Variants in FBN1 observed in about 807,000 individuals in gnomAD.
The protein encoded by FBN1 is fibrillin-1.
In FBN1, 29 loss-of-function variants were observed where a neutral mutation model predicts 365.1. The observed-to-expected ratio is 0.08, with a 90% CI of 0.06 to 0.11. FBN1 has a LOEUF of 0.11. Ranked by LOEUF, FBN1 falls within the 10% of genes least tolerant of loss-of-function variation. The pLI, the probability that FBN1 is intolerant of heterozygous loss-of-function variation, is 1.00. For missense variants in FBN1, 2,476 were observed against 3,703.2 expected, an observed-to-expected ratio of 0.67 and a Z score of 8.60; for synonymous variants, 1,210 against 1,270.5, an observed-to-expected ratio of 0.95 and a Z score of 1.01.
At chr15:48,450,903 A>C (rs2141254195) in intron 45 of FBN1, among the ~76,000 whole-genome samples, 1 of 152,368 alleles carries the variant, frequency 6.6e-6, no homozygotes, top group Non-Finnish European at 1.5e-5. Context: ...ATTTAAAGAT[A>C]TTTTAAAAGT....
intron 13 of FBN1, among the ~76,000 whole-genome samples, chr15:48,510,547 A>T (rs1014994139): frequency 6.6e-6 from 1 of 152,232 alleles, no homozygotes; most frequent in South Asian, 2.1e-4. Context: ...GACATATTTT[A>T]TAGCTATCTC....
At chr15:48,559,306 T>C (rs2044205739) in intron 6 of FBN1, among the ~76,000 whole-genome samples, 1 of 152,190 alleles carries the variant, frequency 6.6e-6, no homozygotes, top group South Asian at 2.1e-4. Flanking sequence ...TTGAGACCCC[T>C]TCGAAAGGGA....
At chr15:48,554,882 T>C (rs1483073570) in intron 6 of FBN1, among the ~76,000 whole-genome samples, 1 of 152,224 alleles carries the variant, frequency 6.6e-6, no homozygotes, top group Non-Finnish European at 1.5e-5. Flanking sequence ...TTGTAAACAC[T>C]ATACAAGAGA....
At chr15:48,578,088 T>G (rs2044363382) in intron 6 of FBN1, among the ~76,000 whole-genome samples, 1 of 152,130 alleles carries the variant, frequency 6.6e-6, no homozygotes, top group Non-Finnish European at 1.5e-5. Context: ...GGACAGAGAA[T>G]GGGAGTAGGG....
intron 4 of FBN1, 47 bp from the exon 5 acceptor site, chr15:48,600,281 G>A: frequency 2.3e-6 from 3 of 1,308,168 alleles, no homozygotes; most frequent in South Asian, 2.4e-5. Flanking sequence ...TAAATGCATA[G>A]ATTGCAACAG....
chr15:48,620,156 TG>T (rs146559497), intron 2 of FBN1, among the ~76,000 whole-genome samples: 380 of 152,258 alleles, frequency 2.5e-3, no homozygotes, highest in Non-Finnish European at 4.7e-3. Context: ...GGAAGCACTA[TG>T]GGAATTCTTA....
intron 24 of FBN1, among the ~76,000 whole-genome samples, chr15:48,491,283 GGTTT>G (rs1417019865): frequency 3.3e-5 from 5 of 151,708 alleles, no homozygotes; most frequent in Non-Finnish European, 7.4e-5. Context: ...AATATTTAAA[GGTTT>G]GTTAATTCTA....
intron 47 of FBN1, 101 bp downstream of exon 47, chr15:48,446,605 T>G (rs1252325161): frequency 2.5e-6 from 2 of 793,364 alleles, no homozygotes; most frequent in African/African-American, 3.4e-5. Context: ...TAAGATAGCA[T>G]ACATTTTTAA....
intron 15 of FBN1, among the ~76,000 whole-genome samples, chr15:48,507,857 C>T (rs1283090072): frequency 6.6e-6 from 1 of 152,098 alleles, no homozygotes; most frequent in Non-Finnish European, 1.5e-5. Flanking sequence ...GTGCAGTAAT[C>T]ACTGATCCCT....
At chr15:48,423,181 G>A (rs545161816) in intron 60 of FBN1, among the ~76,000 whole-genome samples, 2 of 152,180 alleles carry the variant, frequency 1.3e-5, no homozygotes, top group South Asian at 2.1e-4. Context: ...TAAAATTGTC[G>A]CATATTCAGG....
chr15:48,499,900 A>G (rs1354544449), intron 17 of FBN1, among the ~76,000 whole-genome samples: 1 of 152,174 alleles, frequency 6.6e-6, no homozygotes, highest in Non-Finnish European at 1.5e-5. Context: ...GGAGAACTGG[A>G]TATCAGGGCT....
At chr15:48,466,482 T>C (rs977087444) in intron 38 of FBN1, among the ~76,000 whole-genome samples, 5 of 152,222 alleles carry the variant, frequency 3.3e-5, no homozygotes, top group African/African-American at 1.2e-4. Context: ...AAACATTTAT[T>C]TCAGTGGTAT....
rs150847756 is a variant in FBN1 at position 48,559,684 on chromosome 15, T to C, written c.539-21876A>G. Among the ~76,000 whole-genome samples the C allele has an allele frequency of 7.4e-3, 1,134 of 152,242 alleles. 20 individuals are homozygous for C. Among genetic ancestry groups the C allele is most frequent in the African/African-American group, 0.026 (1,084 of 41,530 alleles). ...AACAACTGCCAAGAGGTTTCTACAG[T>C]ATTCAAGGGCAGACTGGATTCACTC... is the stretch of plus-strand genomic sequence containing the variant. On this transcript the variant is annotated intron_variant, in intron 6 of 65. Transcript: ENST00000316623.
chr15:48,591,395 T>C (rs568780951), intron 6 of FBN1, among the ~76,000 whole-genome samples: 1 of 152,272 alleles, frequency 6.6e-6, no homozygotes, highest in Admixed American at 6.5e-5. Context: ...GCTGTTGTAA[T>C]ATTACAAGAA....
In FBN1 at chr15:48,465,440, C is replaced by T. The variant is rs555910986; in HGVS notation, c.4942+128G>A. The T allele has an allele frequency of 1.1e-5, 12 of 1,044,110 alleles. No individual in the cohort carries two copies. In the South Asian group the frequency reaches 1.5e-4, roughly 13 times the overall value. 64.7% of individuals were successfully genotyped at this position (1,044,110 alleles called of 1,614,324 possible). ...ATTGCCACATGTGAGACATATCTAC[C>T]TGGCTATGTTCGTGTTTAGAACATT... On this transcript the variant is annotated intron_variant, in intron 40 of 65. Transcript: ENST00000316623.
At chr15:48,463,758 A>C in intron 41 of FBN1, 141 bp downstream of exon 41, 1 of 947,612 alleles carries the variant, frequency 1.1e-6, no homozygotes, top group Non-Finnish European at 1.6e-6. Flanking sequence ...TTATAGGGGA[A>C]GAGTCTCCTA....
intron 7 of FBN1, among the ~76,000 whole-genome samples, chr15:48,536,994 C>T (rs1461253881): frequency 6.6e-6 from 1 of 152,068 alleles, no homozygotes; most frequent in Non-Finnish European, 1.5e-5. Flanking sequence ...GCCAGACATC[C>T]AGACAATAAA....
At chr15:48,504,950 G>T in intron 16 of FBN1, 75 bp downstream of exon 16, 3 of 1,586,382 alleles carry the variant, frequency 1.9e-6, no homozygotes, top group Non-Finnish European at 2.6e-6. Context: ...AGTAGAGAGC[G>T]TTTGTTACCA....
At chr15:48,608,085 T>G (rs1307948987) in intron 4 of FBN1, among the ~76,000 whole-genome samples, 1 of 152,258 alleles carries the variant, frequency 6.6e-6, no homozygotes, top group East Asian at 1.9e-4. Flanking sequence ...AATCACTGGC[T>G]GGTACTTTGA....
Sources: gnomAD v4.1 joint callset for allele counts (sites outside exome capture counted in the v4.1 genomes callset) on GRCh38, gnomAD v4.1.1 for gene constraint, MANE v1.5 for transcripts, NCBI Gene and HGNC (gene_info 2026-07-23, HGNC 2026-07-21) for gene names.